The following TGFBR3 variants were observed in gnomAD, a reference collection of about 807,000 sequenced individuals.
TGFBR3 encodes transforming growth factor beta receptor type 3.
TGFBR3 carries 46 observed loss-of-function variants against 87.9 expected under a neutral mutation model. The observed-to-expected ratio is 0.52, with a 90% CI of 0.41 to 0.67. The LOEUF is 0.67. Ranked by LOEUF, TGFBR3 falls within the 30% of genes least tolerant of loss-of-function variation. The pLI is 0.00. For missense variants in TGFBR3, 866 were observed against 1,041.9 expected (o/e 0.83, Z 2.32); for synonymous variants, 381 against 391.6 (o/e 0.97, Z 0.32).
chr1:91,899,250 G>A (rs1461426877), intron 2 of TGFBR3, among the ~76,000 whole-genome samples: 1 of 152,154 alleles, frequency 6.6e-6, no homozygotes, highest in Non-Finnish European at 1.5e-5. Flanking sequence ...TGGGTGCCAT[G>A]GTTTATGCTA....
chr1:91,889,773 C>T (rs1184869879), upstream of TGFBR3, among the ~76,000 whole-genome samples: 2 of 151,532 alleles, frequency 1.3e-5, no homozygotes, highest in African/African-American at 4.9e-5. Context: ...CCCCACCTCC[C>T]AGGTTCAAGT....
chr1:91,795,082 C>A (rs1051835665), intron 3 of TGFBR3, among the ~76,000 whole-genome samples: 4 of 152,224 alleles, frequency 2.6e-5, no homozygotes, highest in African/African-American at 9.6e-5. Flanking sequence ...ATGTTATCCT[C>A]TATGCTCACT....
chr1:91,708,599 T>C (rs1671879143), intron 14 of TGFBR3, 64 bp downstream of exon 14: 2 of 1,611,696 alleles, frequency 1.2e-6, no homozygotes, highest in Admixed American at 1.7e-5. Context: ...TGATTTACAC[T>C]ATTGGGTCTT....
intron 2 of TGFBR3, among the ~76,000 whole-genome samples, chr1:91,803,329 T>C (rs1181296763): frequency 6.6e-6 from 1 of 152,204 alleles, no homozygotes; most frequent in Admixed American, 6.5e-5. Flanking sequence ...CCAATCCCGC[T>C]AGCAGCTGGC....
At position 91,763,523 on chromosome 1, in the gene TGFBR3, G is replaced by A. The variant is rs370439073; in HGVS notation, c.247-4773C>T. Among the ~76,000 whole-genome samples the A allele has an allele frequency of 5.9e-5, 9 of 152,272 alleles. No individual in the cohort carries two copies. The South Asian group carries it at 1.2e-3, about 21-fold the overall frequency. On this transcript the variant is annotated intron_variant, in intron 3 of 16. Coordinates refer to ENST00000212355, the MANE Select transcript of TGFBR3 (RefSeq NM_003243.5). ...AAGATAAGAAAAGAACTCCAACAGC[G>A]TGCCTACAACCAAGACCCATAAAAT...
At chr1:91,780,885 ACACACAC>A (rs1192148854) in intron 3 of TGFBR3, among the ~76,000 whole-genome samples, 1 of 12,606 alleles carries the variant, frequency 7.9e-5, no homozygotes, top group Non-Finnish European at 1.5e-4. Flanking sequence ...CTAGAGAACT[ACACACAC>A]ACACACACAC....
intron 5 of TGFBR3, among the ~76,000 whole-genome samples, chr1:91,731,452 C>A (rs55701732): frequency 6.6e-6 from 1 of 152,194 alleles, no homozygotes; most frequent in Non-Finnish European, 1.5e-5. Context: ...TCCCCTCCCC[C>A]TCAGAGAGAA....
Position 91,683,272 on chromosome 1 carries a change from T to C in TGFBR3, c.*467A>G. The C allele has an allele frequency of 2.2e-6, 1 of 455,818 alleles. No homozygotes were observed. Among genetic ancestry groups the C allele is most frequent in the South Asian group, 1.6e-5 (1 of 64,492 alleles). The allele number at this position is 455,818 out of a possible 1,614,324, so 28.2% of individuals were successfully genotyped here. ...GGATCGCTTAGAAAGCCTCAAAGCA[T>C]TTCTTGTTTTACATCTTGGTTCAGA... On this transcript the variant is annotated 3_prime_UTR_variant, in exon 17 of 17. Coordinates refer to ENST00000212355, the MANE Select transcript of TGFBR3 (RefSeq NM_003243.5).
intron 2 of TGFBR3, among the ~76,000 whole-genome samples, chr1:91,842,259 G>A (rs1677316292): frequency 6.6e-6 from 1 of 152,122 alleles, no homozygotes; most frequent in South Asian, 2.1e-4. Flanking sequence ...GAAGTGCTAC[G>A]AGGAAAAACA....
chr1:91,771,796 G>A (rs1263201307), intron 3 of TGFBR3, among the ~76,000 whole-genome samples: 1 of 151,604 alleles, frequency 6.6e-6, no homozygotes, highest in African/African-American at 2.4e-5. Flanking sequence ...ACTTATATTT[G>A]GGAAGCACCA....
intron 2 of TGFBR3, among the ~76,000 whole-genome samples, chr1:91,832,004 A>G (rs1203528331): frequency 6.6e-6 from 1 of 152,238 alleles, no homozygotes; most frequent in Non-Finnish European, 1.5e-5. Flanking sequence ...TTTCTGTATT[A>G]TCTATTTTTT....
Position 91,903,722 on chromosome 1 carries a change from G to T in TGFBR3, c.-175+2104C>A, listed in dbSNP as rs545175532. Among the ~76,000 whole-genome samples, 14 of 152,202 alleles carry T rather than the reference G, an allele frequency of 9.2e-5. No homozygotes were observed. In the East Asian group the frequency reaches 2.5e-3, roughly 27 times the overall value. On this transcript the variant is annotated intron_variant, in intron 1 of 17. Transcript: ENST00000370399. The stretch of plus-strand genomic sequence containing the variant: ...AAGAGTTTTGAAATAAGATCTCCAT[G>T]TCAATTAGACATTCTTATTCCTGGC...
At chr1:91,861,701 C>T in intron 1 of TGFBR3, 57 bp from the exon 2 acceptor site, 1 of 665,136 alleles carries the variant, frequency 1.5e-6, no homozygotes, top group South Asian at 1.6e-5. Context: ...AACAAACAGA[C>T]ACTAAAATTA....
chr1:91,793,580 G>A (rs909034793), intron 3 of TGFBR3, among the ~76,000 whole-genome samples: 1 of 152,092 alleles, frequency 6.6e-6, no homozygotes, highest in South Asian at 2.1e-4. Context: ...TGAGGCGGAC[G>A]GATCACTTGA....
At chr1:91,902,052 A>AT (rs1269268924) in intron 1 of TGFBR3, among the ~76,000 whole-genome samples, 2 of 152,150 alleles carry the variant, frequency 1.3e-5, no homozygotes, top group African/African-American at 4.8e-5. Context: ...TAAAACTTAC[A>AT]TAATACTAGC....
intron 13 of TGFBR3, among the ~76,000 whole-genome samples, chr1:91,711,137 T>C (rs904905272): frequency 6.6e-6 from 1 of 152,142 alleles, no homozygotes; most frequent in African/African-American, 2.4e-5. Flanking sequence ...TCTACCACTG[T>C]CCACTAAGCC....
At chr1:91,865,045 A>C (rs1412134747) in intron 1 of TGFBR3, among the ~76,000 whole-genome samples, 1 of 152,016 alleles carries the variant, frequency 6.6e-6, no homozygotes, top group Non-Finnish European at 1.5e-5. Flanking sequence ...TCAACCAAAA[A>C]TACAAAAGTT....
intron 1 of TGFBR3, among the ~76,000 whole-genome samples, chr1:91,902,271 T>TTGTGTG (rs200355608): frequency 0.02 from 2,896 of 148,244 alleles, 67 homozygotes; most frequent in African/African-American, 0.05. Context: ...TCCTTTTCTT[T>TTGTGTG]TGTGTGTGTG....
chr1:91,839,227 C>A (rs1677176011), intron 2 of TGFBR3, among the ~76,000 whole-genome samples: 1 of 152,186 alleles, frequency 6.6e-6, no homozygotes, highest in Non-Finnish European at 1.5e-5. Flanking sequence ...ATCTTCCCAC[C>A]TCACCCCGTG....
Sources: allele counts gnomAD v4.1 joint callset (sites outside exome capture counted in the v4.1 genomes callset), GRCh38; gene constraint gnomAD v4.1.1; transcripts MANE v1.5; gene names NCBI Gene and HGNC (gene_info 2026-07-23, HGNC 2026-07-21).